The following COL4A1 variants were observed in gnomAD, a reference collection of about 807,000 sequenced individuals.
The protein encoded by COL4A1 is collagen type IV alpha 1 chain.
In COL4A1, 40 loss-of-function variants were observed where a neutral mutation model predicts 216.6. The observed-to-expected ratio is 0.18, with a 90% CI of 0.14 to 0.24. The LOEUF is 0.24. Among genes scored for constraint, COL4A1 ranks in the 10% least tolerant of loss-of-function variants. The pLI, the probability that COL4A1 is intolerant of heterozygous loss-of-function variation, is 1.00. For missense variants in COL4A1, 1,628 were observed against 2,196.8 expected, an observed-to-expected ratio of 0.74 and a Z score of 5.18; for synonymous variants, 839 against 810.7, an observed-to-expected ratio of 1.03 and a Z score of -0.59.
At chr13:110,270,437 G>A (rs1031329987) in intron 1 of COL4A1, among the ~76,000 whole-genome samples, 5 of 152,146 alleles carry the variant, frequency 3.3e-5, no homozygotes, top group African/African-American at 1.2e-4. Flanking sequence ...GATGCAAATG[G>A]GTAAGAAAAG....
chr13:110,204,510 G>A (rs1043680367), intron 17 of COL4A1, among the ~76,000 whole-genome samples: 3 of 151,898 alleles, frequency 2.0e-5, no homozygotes, highest in Non-Finnish European at 2.9e-5. Flanking sequence ...CTTTCCATTC[G>A]CCTTTGGTGA....
At chr13:110,170,793 C>A in intron 41 of COL4A1, 61 bp from the exon 42 acceptor site, 1 of 1,578,560 alleles carries the variant, frequency 6.3e-7, no homozygotes, top group Non-Finnish European at 8.7e-7. Flanking sequence ...TAATCTCCAG[C>A]GTGGACGGCA....
chr13:110,233,329 G>A (rs78863335), intron 2 of COL4A1, among the ~76,000 whole-genome samples: 2,158 of 152,110 alleles, frequency 0.014, 64 homozygotes, highest in African/African-American at 0.049. Context: ...CATTGCAAAC[G>A]CCAGACAAAA....
At chr13:110,199,582 G>A (rs9583465) in intron 20 of COL4A1, among the ~76,000 whole-genome samples, 4,396 of 152,262 alleles carry the variant, frequency 0.029, 209 homozygotes, top group African/African-American at 0.097. Context: ...GGAACTACCC[G>A]GGCACGAGGC....
chr13:110,176,554 C>T lies in COL4A1; in HGVS notation c.2969-41G>A, dbSNP rs765922199. The T allele has an allele frequency of 3.1e-6, 5 of 1,594,926 alleles. No individual in the cohort carries two copies. In the African/African-American group the frequency reaches 4.0e-5, roughly 13 times the overall value. ...AAGCAGTCTGACAGGTTGACATCTA[C>T]AGAAAGAGCTGGGGAACACAGGCCT... On this transcript the variant is annotated intron_variant, in intron 35 of 51. Transcript: ENST00000375820.
chr13:110,222,890 G>A (rs1880572302), intron 2 of COL4A1, among the ~76,000 whole-genome samples: 1 of 151,730 alleles, frequency 6.6e-6, no homozygotes, highest in Non-Finnish European at 1.5e-5. Context: ...TCTGTGGGCG[G>A]AGTGAGAGAA....
At chr13:110,261,024 G>A (rs546629290) in intron 1 of COL4A1, among the ~76,000 whole-genome samples, 7 of 36,094 alleles carry the variant, frequency 1.9e-4, no homozygotes, top group East Asian at 2.5e-3. Context: ...GTGACAGAGC[G>A]AGACTCCGTC....
intron 1 of COL4A1, among the ~76,000 whole-genome samples, chr13:110,288,705 T>C (rs1229254579): frequency 6.6e-6 from 1 of 152,192 alleles, no homozygotes; most frequent in East Asian, 1.9e-4. Flanking sequence ...GGACAGGTTG[T>C]TGAAATGCCT....
intron 1 of COL4A1, among the ~76,000 whole-genome samples, chr13:110,251,760 A>G (rs1882084002): frequency 6.6e-6 from 1 of 152,230 alleles, no homozygotes; most frequent in Non-Finnish European, 1.5e-5. Flanking sequence ...TACAGAATTA[A>G]GACAGCACAT....
intron 1 of COL4A1, among the ~76,000 whole-genome samples, chr13:110,266,849 A>G (rs973113590): frequency 6.6e-6 from 1 of 152,206 alleles, no homozygotes; most frequent in Non-Finnish European, 1.5e-5. Flanking sequence ...AAATGTAAGC[A>G]ATTGATGACT....
chr13:110,177,186 C>CT, intron 33 of COL4A1, 149 bp from the exon 34 acceptor site: 1 of 1,362,118 alleles, frequency 7.3e-7, no homozygotes, highest in Non-Finnish European at 1.0e-6. Flanking sequence ...TGGCCAGTGT[C>CT]TGAGACACAG....
intron 20 of COL4A1, among the ~76,000 whole-genome samples, 174 bp downstream of exon 20, chr13:110,200,680 A>G (rs1166612031): frequency 6.6e-6 from 1 of 152,198 alleles, no homozygotes; most frequent in African/African-American, 2.4e-5. Context: ...ACAAAAGACA[A>G]GATACTTATC....
intron 1 of COL4A1, among the ~76,000 whole-genome samples, chr13:110,272,628 T>G (rs1272307946): frequency 6.6e-6 from 1 of 152,178 alleles, no homozygotes; most frequent in Non-Finnish European, 1.5e-5. Context: ...TCCACAATGG[T>G]GACACTTCGC....
intron 1 of COL4A1, among the ~76,000 whole-genome samples, chr13:110,288,625 A>G (rs1352407507): frequency 6.6e-6 from 1 of 152,242 alleles, no homozygotes; most frequent in African/African-American, 2.4e-5. Flanking sequence ...ACACTGATTA[A>G]CCCTGACAAT....
Position 110,236,588 on chromosome 13 carries a change from C to T in COL4A1, c.144+6087G>A, listed in dbSNP as rs189503287. ...CGATGATCCTGAGTCAAAGAGAGGA[C>T]GTGTGAGAAGCATGGCCATGCCCAC... On this transcript the variant is annotated intron_variant, in intron 2 of 51. Coordinates refer to ENST00000375820, the MANE Select transcript of COL4A1 (RefSeq NM_001845.6). Among the ~76,000 whole-genome samples the T allele has an allele frequency of 3.2e-4, 48 of 152,262 alleles. No homozygotes were observed. The East Asian group carries it at 4.1e-3, about 13-fold the overall frequency.
chr13:110,199,700 A>C (rs557686639), intron 20 of COL4A1, among the ~76,000 whole-genome samples: 6 of 152,136 alleles, frequency 3.9e-5, no homozygotes, highest in Non-Finnish European at 7.3e-5. Flanking sequence ...AGAGCAGCGC[A>C]GCGACTTTGG....
chr13:110,262,669 T>C (rs1010469334), intron 1 of COL4A1, among the ~76,000 whole-genome samples: 1 of 152,130 alleles, frequency 6.6e-6, no homozygotes, highest in Non-Finnish European at 1.5e-5. Flanking sequence ...CCAGAGTTCA[T>C]ACAATGGGAA....
At chr13:110,209,872 G>C in intron 10 of COL4A1, 108 bp downstream of exon 10, 3 of 1,348,890 alleles carry the variant, frequency 2.2e-6, no homozygotes, top group Non-Finnish European at 3.2e-6. Flanking sequence ...TCCAAATTAA[G>C]AGCGACCACA....
chr13:110,184,302 C>T (rs2391815), intron 26 of COL4A1, among the ~76,000 whole-genome samples: 53,817 of 151,904 alleles, frequency 0.35, 9,574 homozygotes, highest in East Asian at 0.45. Flanking sequence ...GGTAGTTTCT[C>T]GCCAAAAGAA....
Sources: allele counts gnomAD v4.1 joint callset (sites outside exome capture counted in the v4.1 genomes callset), GRCh38; gene constraint gnomAD v4.1.1; transcripts MANE v1.5; gene names NCBI Gene and HGNC (gene_info 2026-07-23, HGNC 2026-07-21).